The following LRRC1 variants were observed in gnomAD, a reference collection of about 807,000 sequenced individuals.
LRRC1 encodes the protein leucine rich repeat containing 1.
Under a neutral mutation model 69.9 loss-of-function variants are expected in LRRC1, and 28 were observed. That is an observed-to-expected ratio of 0.40 (90% CI 0.30 to 0.55). The LOEUF is 0.55. Among genes scored for constraint, LRRC1 ranks in the 20% least tolerant of loss-of-function variants. The probability of loss-of-function intolerance (pLI) is 0.47; values close to 1 mark genes in which losing one functional copy is unlikely to be tolerated. For synonymous variants in LRRC1, 236 were observed against 240.2 expected, an observed-to-expected ratio of 0.98 and a Z score of 0.16; for missense variants, 498 against 609.0, an observed-to-expected ratio of 0.82 and a Z score of 1.92.
intron 1 of LRRC1, among the ~76,000 whole-genome samples, chr6:53,806,289 A>G (rs1764633969): frequency 6.6e-6 from 1 of 152,162 alleles, no homozygotes; most frequent in Non-Finnish European, 1.5e-5. Context: ...CAGACCTTGA[A>G]TACATATTTG....
chr6:53,874,885 G>A (rs1237096436), intron 2 of LRRC1, among the ~76,000 whole-genome samples: 3 of 152,136 alleles, frequency 2.0e-5, no homozygotes, highest in Admixed American at 1.3e-4. Flanking sequence ...ATTTAAAATA[G>A]CAACTTTGGT....
At chr6:53,806,587 CTG>C (rs1294602807) in intron 1 of LRRC1, among the ~76,000 whole-genome samples, 21 of 152,142 alleles carry the variant, frequency 1.4e-4, no homozygotes, top group African/African-American at 5.1e-4. Flanking sequence ...CAAAGTCCCT[CTG>C]TGTGTTGACC....
At chr6:53,896,163 T>G (rs952124155) in intron 4 of LRRC1, among the ~76,000 whole-genome samples, 1 of 152,248 alleles carries the variant, frequency 6.6e-6, no homozygotes, top group Non-Finnish European at 1.5e-5. Flanking sequence ...CACATTCAGC[T>G]TCTGTCTCAG....
At chr6:53,830,178 G>C (rs997889455) in intron 1 of LRRC1, among the ~76,000 whole-genome samples, 1 of 152,246 alleles carries the variant, frequency 6.6e-6, no homozygotes. Context: ...GGCCAGGAGT[G>C]TTAGTTCCAC....
At chr6:53,904,646 T>A (rs1768173262) in intron 10 of LRRC1, 184 bp downstream of exon 10, 3 of 384,876 alleles carry the variant, frequency 7.8e-6, no homozygotes, top group Non-Finnish European at 1.4e-5. Context: ...TCAGTAACAT[T>A]AAGGAGAGTT....
chr6:53,795,564 C>T (rs1026207380), intron 1 of LRRC1, 149 bp downstream of exon 1: 2 of 732,504 alleles, frequency 2.7e-6, no homozygotes, highest in Non-Finnish European at 4.4e-6. Context: ...CTCCCCCTGT[C>T]TCTTTACTTC....
chr6:53,835,504 A>G (rs1036688673), intron 1 of LRRC1, among the ~76,000 whole-genome samples: 1 of 152,212 alleles, frequency 6.6e-6, no homozygotes, highest in Non-Finnish European at 1.5e-5. Context: ...ACACTGACAA[A>G]AAGTGTCTCA....
At chr6:53,829,810 G>A (rs559685994) in intron 1 of LRRC1, among the ~76,000 whole-genome samples, 2 of 152,266 alleles carry the variant, frequency 1.3e-5, no homozygotes, top group South Asian at 4.2e-4. Flanking sequence ...ACACCTGGGA[G>A]CTGTTGCTTG....
intron 8 of LRRC1, among the ~76,000 whole-genome samples, chr6:53,900,466 T>C (rs1186643482): frequency 6.6e-6 from 1 of 152,230 alleles, no homozygotes; most frequent in Non-Finnish European, 1.5e-5. Context: ...CATCGATTCA[T>C]CTCTACTTCA....
At chr6:53,838,400 A>T (rs181500456) in intron 1 of LRRC1, among the ~76,000 whole-genome samples, 16 of 152,264 alleles carry the variant, frequency 1.1e-4, no homozygotes, top group Admixed American at 2.0e-4. Context: ...ATTGGATGTG[A>T]GGATTTGTAG....
intron 1 of LRRC1, among the ~76,000 whole-genome samples, chr6:53,810,202 C>T (rs1190207793): frequency 2.0e-5 from 3 of 152,280 alleles, no homozygotes; most frequent in East Asian, 3.9e-4. Context: ...CCTTCTTTCC[C>T]GTCAGGGAGT....
At position 53,849,081 on chromosome 6, in the gene LRRC1, A is replaced by G. The variant is rs567087413; in HGVS notation, c.277+6854A>G. Among the ~76,000 whole-genome samples, 580 of 82,704 alleles carry G rather than the reference A, an allele frequency of 7.0e-3. 4 individuals carry two copies. Among genetic ancestry groups the G allele is most frequent in the African/African-American group, 0.026 (541 of 20,690 alleles). 54.3% of individuals were successfully genotyped at this position (82,704 alleles called of 152,430 possible). ...CTATGCTTTTTTTTTTTTTTTTTTT[A>G]GTTAGCAGGTTTGTTGTGATAGATC... On this transcript the variant is annotated intron_variant, in intron 2 of 13. Coordinates refer to ENST00000370888, the MANE Select transcript of LRRC1 (RefSeq NM_018214.5).
chr6:53,867,955 C>CAA (rs573937295), intron 2 of LRRC1, among the ~76,000 whole-genome samples: 13 of 108,026 alleles, frequency 1.2e-4, no homozygotes, highest in African/African-American at 4.3e-4. Context: ...CCTGTCTTAC[C>CAA]AAAAAAAAAA....
chr6:53,819,775 C>T (rs1341350639), intron 1 of LRRC1, among the ~76,000 whole-genome samples: 1 of 152,140 alleles, frequency 6.6e-6, no homozygotes, highest in Non-Finnish European at 1.5e-5. Flanking sequence ...CCACATTTCA[C>T]CAAAGTCCTT....
At chr6:53,844,246 G>C (rs544226050) in intron 2 of LRRC1, among the ~76,000 whole-genome samples, 288 of 129,616 alleles carry the variant, frequency 2.2e-3, no homozygotes, top group Non-Finnish European at 4.0e-3. Flanking sequence ...AACTCTGCAA[G>C]GAAGCAGTGA....
chr6:53,823,559 C>T (rs1218027848), intron 1 of LRRC1, among the ~76,000 whole-genome samples: 5 of 152,064 alleles, frequency 3.3e-5, no homozygotes, highest in Non-Finnish European at 5.9e-5. Flanking sequence ...CAAGTAAACT[C>T]GTGTCACGGG....
In LRRC1 at chr6:53,842,140, C is replaced by T. The variant is rs1248586222; in HGVS notation, c.190C>T (p.Leu64Phe). 6.2e-7 allele frequency: 1 copy of T among 1,613,412 alleles called. No homozygotes were observed. The highest frequency in any genetic ancestry group is 8.5e-7 in the Non-Finnish European group (1 of 1,179,638). ...QFFQLVKLRK[L>F]GLSDNEIQRL... is the part of the protein sequence containing the mutation. ...TTTCCAGCTAGTCAAATTACGAAAG[C>T]TTGGACTTAGTGATAATGAAATTCA... Residue 64 changes from leucine (L) to phenylalanine (F), a missense_variant, in exon 2 of 14, where the codon CTT becomes TTT. Physicochemically the swap from Leu to Phe is conservative, Grantham distance 22 (BLOSUM62 0). Around this residue, in one of 3 missense-constraint regions of LRRC1, gnomAD observed 266 missense variants for 383.9 expected, o/e 0.69. Transcript: ENST00000370888.
chr6:53,803,977 G>T (rs1764565325), intron 1 of LRRC1, among the ~76,000 whole-genome samples: 1 of 152,178 alleles, frequency 6.6e-6, no homozygotes, highest in African/African-American at 2.4e-5. Flanking sequence ...ATGAGCAGTT[G>T]TGAGGGCCAG....
At chr6:53,884,263 G>T in intron 4 of LRRC1, 1 of 423,340 alleles carries the variant, frequency 2.4e-6, no homozygotes, top group Non-Finnish European at 4.2e-6. Flanking sequence ...CCAGCCTTTT[G>T]GGAGGCTGAG....
Sources: allele counts gnomAD v4.1 joint callset (sites outside exome capture counted in the v4.1 genomes callset), GRCh38; gene constraint gnomAD v4.1.1; regional missense constraint gnomAD v4.1.1; transcripts MANE v1.5; gene names NCBI Gene and HGNC (gene_info 2026-07-23, HGNC 2026-07-21).